Variants in TM9SF3 observed in about 807,000 individuals in gnomAD.
TM9SF3 encodes the protein transmembrane 9 superfamily member 3.
In TM9SF3, 14 loss-of-function variants were observed where a neutral mutation model predicts 78.6. The ratio of observed to expected loss-of-function variants is 0.18; its 90% CI spans 0.12 to 0.28. The LOEUF is 0.28. Among genes scored for constraint, TM9SF3 ranks in the 10% least tolerant of loss-of-function variants. The pLI is 1.00. For synonymous variants in TM9SF3, 231 were observed against 241.7 expected (o/e 0.96, Z 0.41); for missense variants, 496 against 721.9 (o/e 0.69, Z 3.59).
chr10:96,569,483 ATAAC>A (rs1848415447), intron 2 of TM9SF3, among the ~76,000 whole-genome samples: 1 of 152,248 alleles, frequency 6.6e-6, no homozygotes, highest in African/African-American at 2.4e-5. Flanking sequence ...AGTTAATTAA[ATAAC>A]TATATAAAGA....
chr10:96,542,212 T>C (rs564488197), intron 9 of TM9SF3, among the ~76,000 whole-genome samples: 29 of 152,328 alleles, frequency 1.9e-4, no homozygotes, highest in Middle Eastern at 3.4e-3. Flanking sequence ...CAAGTTTTCA[T>C]ACTCTTAAAC....
At chr10:96,526,269 C>A (rs1474041699) in intron 14 of TM9SF3, among the ~76,000 whole-genome samples, 1 of 152,070 alleles carries the variant, frequency 6.6e-6, no homozygotes, top group Admixed American at 6.6e-5. Context: ...GCTATCGTTA[C>A]TACCTAATAA....
intron 14 of TM9SF3, 33 bp downstream of exon 14, chr10:96,527,180 T>C: frequency 6.4e-7 from 1 of 1,560,156 alleles, no homozygotes; most frequent in Non-Finnish European, 8.8e-7. Context: ...AACTCAGATT[T>C]ACTCATGATG....
At chr10:96,525,472 C>T (rs1433397647) in intron 14 of TM9SF3, among the ~76,000 whole-genome samples, 1 of 151,966 alleles carries the variant, frequency 6.6e-6, no homozygotes, top group Non-Finnish European at 1.5e-5. Flanking sequence ...TGATCACATA[C>T]ATAGTGTATA....
chr10:96,545,168 C>A (rs1024557341), intron 8 of TM9SF3, among the ~76,000 whole-genome samples: 6 of 152,170 alleles, frequency 3.9e-5, no homozygotes, highest in Non-Finnish European at 8.8e-5. Context: ...AGCTGTCTTT[C>A]TAATACAGCA....
intron 2 of TM9SF3, among the ~76,000 whole-genome samples, chr10:96,573,219 T>C (rs1564939878): frequency 6.6e-6 from 1 of 152,226 alleles, no homozygotes; most frequent in Non-Finnish European, 1.5e-5. Context: ...CCAGTTTCTA[T>C]TATTAGTATG....
chr10:96,565,294 C>G lies in TM9SF3; in HGVS notation c.421+10G>C. The G allele has an allele frequency of 6.6e-7, 1 of 1,526,056 alleles. No homozygotes were observed. The highest frequency in any genetic ancestry group is 1.3e-5 in the South Asian group (1 of 77,016). 94.5% of individuals were successfully genotyped at this position (1,526,056 alleles called of 1,614,324 possible). A position where few individuals can be genotyped will look rare whatever the true frequency, so the allele number is the denominator to read the frequency against. On this transcript the variant is annotated intron_variant, in intron 3 of 14. Transcript: ENST00000371142. ...TTTCCCAAATCTTAAATACAACATACAATACTTACCCCATATTGGTAAATC... is the reference window on the plus strand; with the variant it reads ...TTTCCCAAATCTTAAATACAACATAGAATACTTACCCCATATTGGTAAATC...
At chr10:96,560,057 C>T (rs1352469595) in intron 4 of TM9SF3, 1 of 580,292 alleles carries the variant, frequency 1.7e-6, no homozygotes, top group Non-Finnish European at 3.1e-6. Context: ...TCACAAGTGT[C>T]TAAATCAATT....
intron 5 of TM9SF3, among the ~76,000 whole-genome samples, chr10:96,555,024 G>A (rs1263201947): frequency 1.3e-5 from 2 of 149,236 alleles, no homozygotes; most frequent in Non-Finnish European, 3.0e-5. Context: ...CTCCTGGTTG[G>A]CCTTTTTTTT....
chr10:96,553,504 A>G (rs1458950647), intron 5 of TM9SF3, among the ~76,000 whole-genome samples: 1 of 152,190 alleles, frequency 6.6e-6, no homozygotes, highest in Non-Finnish European at 1.5e-5. Context: ...TATATAAAGT[A>G]TGGCACCTTA....
intron 14 of TM9SF3, among the ~76,000 whole-genome samples, chr10:96,524,751 TTTTTG>T (rs1847819787): frequency 6.6e-6 from 1 of 151,922 alleles, no homozygotes; most frequent in African/African-American, 2.4e-5. Context: ...TCAACAAATA[TTTTTG>T]TTTTAATTAC....
At chr10:96,577,101 G>C (rs921643054) in intron 1 of TM9SF3, among the ~76,000 whole-genome samples, 1 of 152,046 alleles carries the variant, frequency 6.6e-6, no homozygotes, top group Non-Finnish European at 1.5e-5. Context: ...AAGCCCAATA[G>C]CTCATAAGAG....
In TM9SF3 at chr10:96,518,423, T is replaced by A. The variant is rs1355862255; in HGVS notation, c.*3840A>T. On this transcript the variant is annotated 3_prime_UTR_variant, in exon 15 of 15. Transcript: ENST00000371142. Reference sequence around the variant, plus strand: ...TTGTCCTTCAAATAGAATTCCATGTTATTTCTTTCTTGCCTTAAGCTCTTA... The same window carrying A: ...TTGTCCTTCAAATAGAATTCCATGTAATTTCTTTCTTGCCTTAAGCTCTTA... The A allele has an allele frequency of 1.3e-5, 2 of 152,188 alleles. No homozygotes were observed. The highest frequency in any genetic ancestry group is 4.8e-5 in the African/African-American group (2 of 41,454). The allele number at this position is 152,188 out of a possible 1,614,324, so 9.4% of individuals were successfully genotyped here.
chr10:96,553,132 A>C, intron 5 of TM9SF3, 73 bp from the exon 6 acceptor site: 1 of 1,447,740 alleles, frequency 6.9e-7, no homozygotes, highest in South Asian at 1.5e-5. Context: ...CATGAGGACA[A>C]CCGGATGTTA....
At position 96,551,425 on chromosome 10, in the gene TM9SF3, T is replaced by C. The variant is rs747320411; in HGVS notation, c.793-14A>G. ...TAGGTCTCTATCCTATATACAAATA[T>C]ATATATAGAGAGAGAAAAGCAAATC... On this transcript the variant is annotated splice_polypyrimidine_tract_variant and intron_variant, in intron 6 of 14. Transcript: ENST00000371142. 3.9e-6 allele frequency: 6 copies of C among 1,520,866 alleles called. No homozygotes were observed. The highest frequency in any genetic ancestry group is 1.3e-5 in the South Asian group (1 of 76,834). The allele number at this position is 1,520,866 out of a possible 1,614,324, so 94.2% of individuals were successfully genotyped here.
At chr10:96,582,257 T>C (rs1429418378) in intron 1 of TM9SF3, among the ~76,000 whole-genome samples, 1 of 152,202 alleles carries the variant, frequency 6.6e-6, no homozygotes, top group East Asian at 1.9e-4. Flanking sequence ...ATTATAACTA[T>C]GGAATTACAT....
At chr10:96,584,861 A>C (rs1172104907) in intron 1 of TM9SF3, among the ~76,000 whole-genome samples, 2 of 152,214 alleles carry the variant, frequency 1.3e-5, no homozygotes, top group African/African-American at 2.4e-5. Flanking sequence ...ACCAAGTAAG[A>C]GCAGTTCAAT....
chr10:96,578,714 C>T (rs949907440), intron 1 of TM9SF3, among the ~76,000 whole-genome samples: 1 of 152,194 alleles, frequency 6.6e-6, no homozygotes, highest in Admixed American at 6.5e-5. Context: ...ATAGATATTG[C>T]CTCAGAGTTC....
chr10:96,563,125 G>T (rs1848329426), intron 3 of TM9SF3, among the ~76,000 whole-genome samples: 1 of 152,200 alleles, frequency 6.6e-6, no homozygotes, highest in Non-Finnish European at 1.5e-5. Context: ...ACCCAGGCTG[G>T]AGTGTAGTGA....
Sources: gnomAD v4.1 joint callset for allele counts (sites outside exome capture counted in the v4.1 genomes callset) on GRCh38, gnomAD v4.1.1 for gene constraint, MANE v1.5 for transcripts, NCBI Gene and HGNC (gene_info 2026-07-23, HGNC 2026-07-21) for gene names.